RASGEF1C: variants seen among roughly 807,000 people sequenced by gnomAD.
RASGEF1C encodes ras-GEF domain-containing family member 1C.
In RASGEF1C, 27 loss-of-function variants were observed where a neutral mutation model predicts 58.1. The ratio of observed to expected loss-of-function variants is 0.46; its 90% CI spans 0.34 to 0.64. The LOEUF (loss-of-function observed/expected upper bound fraction) is 0.64. Ranked by LOEUF, RASGEF1C falls within the 30% of genes least tolerant of loss-of-function variation. The probability of loss-of-function intolerance (pLI) is 0.01; values close to 1 mark genes in which losing one functional copy is unlikely to be tolerated. For synonymous variants in RASGEF1C, 243 were observed against 246.3 expected, an observed-to-expected ratio of 0.99 and a Z score of 0.13; for missense variants, 502 against 605.1, an observed-to-expected ratio of 0.83 and a Z score of 1.79.
intron 1 of RASGEF1C, among the ~76,000 whole-genome samples, chr5:180,138,748 C>A (rs1281328114): frequency 2.0e-5 from 3 of 152,198 alleles, no homozygotes; most frequent in Non-Finnish European, 2.9e-5. Context: ...TGTCCATCCT[C>A]ACCGCCTATC....
intron 1 of RASGEF1C, among the ~76,000 whole-genome samples, chr5:180,200,356 T>C (rs371339638): frequency 0.095 from 10,304 of 108,030 alleles, 841 homozygotes; most frequent in Non-Finnish European, 0.15. Context: ...GTCGCCCAGG[T>C]TGGAGTGCAG....
chr5:180,169,958 A>G (rs2113309049), intron 1 of RASGEF1C, among the ~76,000 whole-genome samples: 1 of 151,910 alleles, frequency 6.6e-6, no homozygotes, highest in East Asian at 1.9e-4. Context: ...TCCCTCGGAG[A>G]CCTTCCGTGA....
chr5:180,124,232 A>C (rs1199679287), intron 6 of RASGEF1C, among the ~76,000 whole-genome samples: 3 of 220 alleles, frequency 0.014, no homozygotes, highest in Non-Finnish European at 0.014. Context: ...ACTCTGTCTC[A>C]AAAAAAAAAA....
intron 1 of RASGEF1C, among the ~76,000 whole-genome samples, chr5:180,172,573 G>C (rs544131405): frequency 2.0e-5 from 3 of 152,152 alleles, no homozygotes; most frequent in South Asian, 2.1e-4. Context: ...GCCTAGCCCC[G>C]GGTGTCTGCC....
At chr5:180,186,312 T>G (rs1756039373) in intron 1 of RASGEF1C, among the ~76,000 whole-genome samples, 1 of 152,066 alleles carries the variant, frequency 6.6e-6, no homozygotes, top group African/African-American at 2.4e-5. Flanking sequence ...CTATTAGAGC[T>G]AAAAAACAAA....
At chr5:180,125,778 C>T (rs1766245856) in intron 6 of RASGEF1C, among the ~76,000 whole-genome samples, 2 of 150,646 alleles carry the variant, frequency 1.3e-5, no homozygotes, top group African/African-American at 2.5e-5. Flanking sequence ...GTGAGTGAGA[C>T]TCCATCTCAA....
In RASGEF1C at chr5:180,177,926, C is replaced by A. The variant is rs1243626443; in HGVS notation, c.-7+31102G>T. ...AGCCAAGACTCACAGAGACCGAGAC[C>A]ATGTCCCACATCCAGCCATGCCTGA... On this transcript the variant is annotated intron_variant, in intron 1 of 13. Coordinates refer to ENST00000361132, the MANE Select transcript of RASGEF1C (RefSeq NM_175062.4). The surrounding 1 kb of genome is among the most constrained non-coding windows in gnomAD (Gnocchi z 5.0). Among the ~76,000 whole-genome samples the A allele has an allele frequency of 6.6e-6, 1 of 151,756 alleles. No homozygotes were observed. Among genetic ancestry groups the A allele is most frequent in the African/African-American group, 2.4e-5 (1 of 41,364 alleles).
intron 1 of RASGEF1C, among the ~76,000 whole-genome samples, chr5:180,178,509 A>G (rs1400934719): frequency 6.9e-6 from 1 of 144,532 alleles, no homozygotes; most frequent in African/African-American, 2.6e-5. Context: ...CGAACTCCTG[A>G]CTTCAAGTGA....
At chr5:180,190,975 T>C (rs1348010432) in intron 1 of RASGEF1C, among the ~76,000 whole-genome samples, 1 of 152,156 alleles carries the variant, frequency 6.6e-6, no homozygotes, top group Non-Finnish European at 1.5e-5. Flanking sequence ...CAATTAAAAA[T>C]GTGCAAAATA....
At chr5:180,182,453 A>C (rs1767361370) in intron 1 of RASGEF1C, among the ~76,000 whole-genome samples, 2 of 152,162 alleles carry the variant, frequency 1.3e-5, no homozygotes, top group South Asian at 4.1e-4. Flanking sequence ...CCACAGCTGG[A>C]AGAGAACCCC....
intron 1 of RASGEF1C, among the ~76,000 whole-genome samples, chr5:180,170,118 C>A (rs948302465): frequency 6.6e-6 from 1 of 152,232 alleles, no homozygotes; most frequent in Admixed American, 6.5e-5. Flanking sequence ...TTCCTGCTCG[C>A]GGCTGCACCC....
At chr5:180,145,903 T>C (rs1766654944) in intron 1 of RASGEF1C, among the ~76,000 whole-genome samples, 1 of 152,196 alleles carries the variant, frequency 6.6e-6, no homozygotes, top group Non-Finnish European at 1.5e-5. Context: ...TTGGGATTTG[T>C]TTGTTTTTGA....
At chr5:180,109,345 C>T (rs920200019) in intron 12 of RASGEF1C, among the ~76,000 whole-genome samples, 1 of 152,070 alleles carries the variant, frequency 6.6e-6, no homozygotes, top group Non-Finnish European at 1.5e-5. Context: ...GTAGTCCCAG[C>T]TACTCGGGAG....
intron 1 of RASGEF1C, among the ~76,000 whole-genome samples, chr5:180,206,704 T>TCCTC (rs1756494803): frequency 6.6e-6 from 1 of 152,196 alleles, no homozygotes; most frequent in Admixed American, 6.5e-5. Context: ...AGGACATAAT[T>TCCTC]TGAATAAACA....
chr5:180,160,246 G>C (rs1001688035), intron 1 of RASGEF1C, among the ~76,000 whole-genome samples: 1 of 152,154 alleles, frequency 6.6e-6, no homozygotes, highest in African/African-American at 2.4e-5. Context: ...TTCTGGACCT[G>C]AGGAGTAGCC....
intron 1 of RASGEF1C, among the ~76,000 whole-genome samples, chr5:180,164,319 A>G (rs73336765): frequency 0.045 from 6,790 of 152,130 alleles, 221 homozygotes; most frequent in South Asian, 0.094. Flanking sequence ...TGAAATTTCA[A>G]TGATTGATTT....
chr5:180,141,307 G>T (rs1766576030), intron 1 of RASGEF1C, among the ~76,000 whole-genome samples: 1 of 152,190 alleles, frequency 6.6e-6, no homozygotes, highest in Non-Finnish European at 1.5e-5. Context: ...AAGAAATGAG[G>T]CAGCAGCCCA....
intron 7 of RASGEF1C, among the ~76,000 whole-genome samples, chr5:180,120,799 C>T (rs994579972): frequency 5.3e-5 from 8 of 152,202 alleles, no homozygotes; most frequent in African/African-American, 1.9e-4. Context: ...CTGGGAGTGA[C>T]GGCCTCTCAC....
intron 1 of RASGEF1C, among the ~76,000 whole-genome samples, chr5:180,180,080 C>T (rs548832874): frequency 1.3e-5 from 2 of 152,210 alleles, no homozygotes; most frequent in Non-Finnish European, 2.9e-5. Flanking sequence ...GAGGCGGTGG[C>T]CTGCTCACAC....
Sources: allele counts gnomAD v4.1 joint callset (sites outside exome capture counted in the v4.1 genomes callset), GRCh38; gene constraint gnomAD v4.1.1; non-coding constraint Gnocchi (gnomAD v3.1); transcripts MANE v1.5; gene names NCBI Gene and HGNC (gene_info 2026-07-23, HGNC 2026-07-21).